PIP4K2A: variants seen among roughly 807,000 people sequenced by gnomAD.
The protein encoded by PIP4K2A is phosphatidylinositol 5-phosphate 4-kinase type-2 alpha.
In PIP4K2A, 14 loss-of-function variants were observed where a neutral mutation model predicts 42.9. That is an observed-to-expected ratio of 0.33 (90% CI 0.22 to 0.51). PIP4K2A has a LOEUF of 0.51. Among genes scored for constraint, PIP4K2A ranks in the 20% least tolerant of loss-of-function variants. The probability of loss-of-function intolerance (pLI) is 0.97; values close to 1 mark genes in which losing one functional copy is unlikely to be tolerated. For synonymous variants in PIP4K2A, 192 were observed against 192.2 expected (o/e 1.00, Z 0.01); for missense variants, 434 against 519.8 (o/e 0.83, Z 1.61).
chr10:22,684,354 T>C (rs905930536), intron 1 of PIP4K2A, among the ~76,000 whole-genome samples: 3 of 152,216 alleles, frequency 2.0e-5, no homozygotes, highest in Non-Finnish European at 4.4e-5. Flanking sequence ...TTTTCTTTGA[T>C]TGCCACTGCC....
At chr10:22,547,679 C>G (rs1180023321) in intron 7 of PIP4K2A, among the ~76,000 whole-genome samples, 2 of 152,196 alleles carry the variant, frequency 1.3e-5, no homozygotes, top group African/African-American at 4.8e-5. Context: ...AGAGGGAGAA[C>G]AGTTTTGCAT....
At chr10:22,597,125 G>GCTATCTGAA (rs1321342977) in intron 3 of PIP4K2A, among the ~76,000 whole-genome samples, 4 of 152,348 alleles carry the variant, frequency 2.6e-5, no homozygotes, top group African/African-American at 9.6e-5. Context: ...TGTGTACAAA[G>GCTATCTGAA]CTATCTGAAC....
intron 1 of PIP4K2A, among the ~76,000 whole-genome samples, chr10:22,636,302 A>T (rs1311256395): frequency 6.6e-6 from 1 of 152,106 alleles, no homozygotes; most frequent in African/African-American, 2.4e-5. Context: ...CCCAGGCTGG[A>T]GTGCAGTGGT....
At chr10:22,554,638 G>A (rs1195244574) in intron 6 of PIP4K2A, among the ~76,000 whole-genome samples, 3 of 152,234 alleles carry the variant, frequency 2.0e-5, no homozygotes, top group Admixed American at 2.0e-4. Context: ...CCAGCGGTCA[G>A]CAACCTTTCT....
chr10:22,701,449 T>C (rs1489517575), intron 1 of PIP4K2A, among the ~76,000 whole-genome samples: 2 of 152,172 alleles, frequency 1.3e-5, no homozygotes, highest in South Asian at 2.1e-4. Flanking sequence ...TATCCAACAA[T>C]GTCTGTTACC....
At position 22,542,312 on chromosome 10, in the gene PIP4K2A, T is replaced by TGGCTGCATTTTACCAGATAGCAA. The variant is rs1554792628; in HGVS notation, c.793-266_793-265insTTGCTATCTGGTAAAATGCAGCC. 3.2e-3 allele frequency among the ~76,000 whole-genome samples: 487 copies of TGGCTGCATTTTACCAGATAGCAA among 151,752 alleles called. 4 individuals carry two copies. The highest frequency in any genetic ancestry group is 0.011 in the African/African-American group (457 of 41,330). On this transcript the variant is annotated intron_variant, in intron 7 of 9. Transcript: ENST00000376573. ...GGAGAGGTGTGTATCTATCACAGGG[T>TGGCTGCATTTTACCAGATAGCAA]GGCTGGATTTCACCAGATAGCAAGG...
At chr10:22,695,696 A>G (rs1232768392) in intron 1 of PIP4K2A, among the ~76,000 whole-genome samples, 1 of 152,132 alleles carries the variant, frequency 6.6e-6, no homozygotes, top group Non-Finnish European at 1.5e-5. Context: ...CAAGTCCCTA[A>G]TACAAAACAT....
At chr10:22,547,451 A>C (rs1405899557) in intron 7 of PIP4K2A, among the ~76,000 whole-genome samples, 2 of 152,168 alleles carry the variant, frequency 1.3e-5, no homozygotes, top group East Asian at 3.9e-4. Context: ...TTCCCCATTC[A>C]TCAAACTAGG....
intron 1 of PIP4K2A, among the ~76,000 whole-genome samples, chr10:22,706,227 A>G (rs1358208020): frequency 6.6e-6 from 1 of 152,064 alleles, no homozygotes; most frequent in Non-Finnish European, 1.5e-5. Context: ...ATTCTATCTA[A>G]TCCTCAAGGT....
chr10:22,635,773 G>A (rs1838648837), intron 1 of PIP4K2A, among the ~76,000 whole-genome samples: 1 of 152,176 alleles, frequency 6.6e-6, no homozygotes, highest in African/African-American at 2.4e-5. Flanking sequence ...GATGAGGACT[G>A]GAGGCCAGAA....
chr10:22,590,826 C>T (rs1214758461), intron 4 of PIP4K2A, among the ~76,000 whole-genome samples: 3 of 152,164 alleles, frequency 2.0e-5, no homozygotes, highest in Non-Finnish European at 1.5e-5. Context: ...GCTGTGATCA[C>T]GCCACTGCAC....
At chr10:22,660,072 T>A (rs563470886) in intron 1 of PIP4K2A, among the ~76,000 whole-genome samples, 1 of 152,260 alleles carries the variant, frequency 6.6e-6, no homozygotes, top group South Asian at 2.1e-4. Flanking sequence ...TCTGCCTTGC[T>A]ACACAGATGT....
intron 1 of PIP4K2A, among the ~76,000 whole-genome samples, chr10:22,627,745 T>C (rs1175355029): frequency 6.6e-6 from 1 of 152,152 alleles, no homozygotes; most frequent in Non-Finnish European, 1.5e-5. Flanking sequence ...TGCAAGGTCT[T>C]TTACTGTCAA....
intron 1 of PIP4K2A, among the ~76,000 whole-genome samples, chr10:22,664,046 T>TATGTATATATACATATATATATATAC (rs1554807157): frequency 1.1e-5 from 1 of 91,468 alleles, no homozygotes; most frequent in Admixed American, 1.1e-4. Context: ...TATATATATA[T>TATGTATATATACATATATATATATAC]ACATATGTAT....
chr10:22,544,970 G>A (rs555982198), intron 7 of PIP4K2A, among the ~76,000 whole-genome samples: 1 of 152,330 alleles, frequency 6.6e-6, no homozygotes, highest in South Asian at 2.1e-4. Context: ...GGGCCTCGCT[G>A]CACATTCATT....
rs375774090 is a variant in PIP4K2A at position 22,567,522 on chromosome 10, G to A, written c.678+329C>T. 7.2e-4 allele frequency: 383 copies of A among 535,032 alleles called. 1 individual carries two copies. The highest frequency in any genetic ancestry group is 4.4e-3 in the African/African-American group (236 of 53,458). 33.1% of individuals were successfully genotyped at this position (535,032 alleles called of 1,614,324 possible). ...GTGTTAGGTCCTGGTTCCCTGACCC[G>A]CAGGAACGCACTCTCAGCTGTCAGT... On this transcript the variant is annotated intron_variant, in intron 6 of 9. Transcript: ENST00000376573.
chr10:22,536,949 A>T lies in PIP4K2A; in HGVS notation c.*252T>A. ...TGACTTTTAAAATGCACACGCGCGC[A>T]CACACTCACCCCCCCCCAACACACA... On this transcript the variant is annotated 3_prime_UTR_variant, in exon 10 of 10. Coordinates refer to ENST00000376573, the MANE Select transcript of PIP4K2A (RefSeq NM_005028.5). The T allele has an allele frequency of 2.6e-6, 1 of 384,322 alleles. No homozygotes were observed. The highest frequency in any genetic ancestry group is 3.2e-5 in the South Asian group (1 of 31,350). The allele number at this position is 384,322 out of a possible 1,614,324, so 23.8% of individuals were successfully genotyped here. A position where few individuals can be genotyped will look rare whatever the true frequency, so the allele number is the denominator to read the frequency against.
chr10:22,642,540 T>C (rs1347072274), intron 1 of PIP4K2A, among the ~76,000 whole-genome samples: 1 of 152,006 alleles, frequency 6.6e-6, no homozygotes, highest in Non-Finnish European at 1.5e-5. Context: ...TATAACAGTG[T>C]ATTTATAAAC....
At chr10:22,622,672 G>C (rs1254931802) in intron 1 of PIP4K2A, among the ~76,000 whole-genome samples, 1 of 152,186 alleles carries the variant, frequency 6.6e-6, no homozygotes, top group Non-Finnish European at 1.5e-5. Context: ...CCACATACCC[G>C]GGACAAGTCG....
Sources: allele counts gnomAD v4.1 joint callset (sites outside exome capture counted in the v4.1 genomes callset), GRCh38; gene constraint gnomAD v4.1.1; transcripts MANE v1.5; gene names NCBI Gene and HGNC (gene_info 2026-07-23, HGNC 2026-07-21).